The following PDE3B variants were observed in gnomAD, a reference collection of about 807,000 sequenced individuals.
PDE3B encodes the protein phosphodiesterase 3B.
PDE3B carries 66 observed loss-of-function variants against 116.8 expected under a neutral mutation model. The observed-to-expected ratio is 0.56, with a 90% confidence interval of 0.46 to 0.69. The LOEUF (loss-of-function observed/expected upper bound fraction) is 0.69, where lower values mean the gene tolerates loss of function less well. Ranked by LOEUF, PDE3B falls within the 30% of genes least tolerant of loss-of-function variation. The pLI is 0.00. For synonymous variants in PDE3B, 595 were observed against 533.6 expected (o/e 1.12, Z -1.59); for missense variants, 1,384 against 1,368.1 (o/e 1.01, Z -0.18).
At chr11:14,849,067 C>G (rs575300961) in intron 12 of PDE3B, among the ~76,000 whole-genome samples, 21 of 150,096 alleles carry the variant, frequency 1.4e-4, no homozygotes, top group Non-Finnish European at 1.5e-5. Context: ...GGAGGCATCA[C>G]GCTACCTGAC....
chr11:14,694,570 A>G (rs1855147280), intron 1 of PDE3B, among the ~76,000 whole-genome samples: 1 of 152,206 alleles, frequency 6.6e-6, no homozygotes, highest in Admixed American at 6.5e-5. Flanking sequence ...AGATTAAGGT[A>G]TGTACATTGT....
intron 4 of PDE3B, among the ~76,000 whole-genome samples, chr11:14,792,823 G>A (rs1858432016): frequency 1.3e-5 from 2 of 152,228 alleles, no homozygotes; most frequent in Non-Finnish European, 1.5e-5. Context: ...TATATCCTTA[G>A]TTGGGCTCAT....
chr11:14,692,966 A>C (rs1213745034), intron 1 of PDE3B, among the ~76,000 whole-genome samples: 1 of 152,228 alleles, frequency 6.6e-6, no homozygotes, highest in Non-Finnish European at 1.5e-5. Flanking sequence ...CTGTGAATGC[A>C]AAGGAAAAGT....
intron 11 of PDE3B, among the ~76,000 whole-genome samples, chr11:14,839,678 A>G (rs139363092): frequency 6.6e-6 from 1 of 152,322 alleles, no homozygotes; most frequent in East Asian, 1.9e-4. Context: ...AGGCATCACA[A>G]TACACTTCTA....
At chr11:14,854,994 T>C (rs1009589836) in intron 12 of PDE3B, among the ~76,000 whole-genome samples, 36 of 152,098 alleles carry the variant, frequency 2.4e-4, no homozygotes, top group African/African-American at 8.7e-4. Flanking sequence ...AAATATTGCA[T>C]CCATAAAGTA....
chr11:14,885,055 C>T, the PDE3B span, among the ~76,000 whole-genome samples: 1 of 152,088 alleles, frequency 6.6e-6, no homozygotes, highest in East Asian at 1.9e-4. Context: ...CCTTTTCAAC[C>T]AATGTCTTTA....
chr11:14,674,895 T>C (rs950514675), intron 1 of PDE3B, among the ~76,000 whole-genome samples: 5 of 152,206 alleles, frequency 3.3e-5, no homozygotes, highest in Non-Finnish European at 7.4e-5. Context: ...TGAAAATTGT[T>C]ACTTTAGGTA....
At chr11:14,811,870 T>C (rs1018371297) in intron 5 of PDE3B, among the ~76,000 whole-genome samples, 11 of 152,194 alleles carry the variant, frequency 7.2e-5, no homozygotes, top group African/African-American at 2.7e-4. Flanking sequence ...CCTTGTAAGT[T>C]GGATTCCTAG....
chr11:14,776,088 G>A (rs1400791010), intron 2 of PDE3B: 1 of 152,264 alleles, frequency 6.6e-6, no homozygotes, highest in East Asian at 1.9e-4. Context: ...CACAGTGACA[G>A]AGTCTCTTAT....
chr11:14,755,327 G>A (rs941194951), intron 1 of PDE3B, among the ~76,000 whole-genome samples: 2 of 152,080 alleles, frequency 1.3e-5, no homozygotes, highest in African/African-American at 4.8e-5. Context: ...GGGATTTTCC[G>A]TATTTCAAAA....
chr11:14,806,858 CAA>C (rs953411145), intron 5 of PDE3B, among the ~76,000 whole-genome samples: 29 of 45,902 alleles, frequency 6.3e-4, no homozygotes, highest in South Asian at 6.0e-3. Flanking sequence ...GACTCCGTCT[CAA>C]AAAAAAAAAA....
At chr11:14,778,776 C>T (rs937903192) in intron 2 of PDE3B, among the ~76,000 whole-genome samples, 2 of 152,160 alleles carry the variant, frequency 1.3e-5, no homozygotes, top group Non-Finnish European at 1.5e-5. Flanking sequence ...TCCAAAGGAA[C>T]GCAGCTCCTC....
chr11:14,769,445 C>T (rs1218125052), intron 1 of PDE3B, among the ~76,000 whole-genome samples: 1 of 150,950 alleles, frequency 6.6e-6, no homozygotes, highest in Non-Finnish European at 1.5e-5. Context: ...TAGCAGCCTT[C>T]CTTCTGCATA....
chr11:14,843,603 G>A (rs1253361214), intron 11 of PDE3B, among the ~76,000 whole-genome samples: 3 of 152,110 alleles, frequency 2.0e-5, no homozygotes, highest in African/African-American at 7.2e-5. Context: ...ATCCTATCAC[G>A]TCTTGTAAAG....
rs540205528 is a variant in PDE3B, at chr11:14,716,159, G to T, written c.979-55778G>T. On this transcript the variant is annotated intron_variant, in intron 1 of 15. Coordinates refer to ENST00000282096, the MANE Select transcript of PDE3B (RefSeq NM_000922.4). ...TTTCCGAGTCAAAGAAAGGGGTGAC[G>T]GACGCACCTGGAAAATCGGGTCACT... Among the ~76,000 whole-genome samples the T allele has an allele frequency of 5.0e-3, 759 of 151,858 alleles. 10 individuals are homozygous for T. Among genetic ancestry groups the T allele is most frequent in the African/African-American group, 0.018 (739 of 41,386 alleles).
intron 1 of PDE3B, among the ~76,000 whole-genome samples, chr11:14,667,295 G>T (rs1214072277): frequency 6.7e-6 from 1 of 150,156 alleles, no homozygotes; most frequent in Non-Finnish European, 1.5e-5. Flanking sequence ...GGGGTGGGGG[G>T]AGTGGGGAGG....
chr11:14,817,989 C>G (rs549373218), intron 5 of PDE3B, among the ~76,000 whole-genome samples, 194 bp from the exon 6 acceptor site: 6 of 152,126 alleles, frequency 3.9e-5, no homozygotes, highest in African/African-American at 1.4e-4. Flanking sequence ...AGCCATTGAT[C>G]ATGACAAATA....
chr11:14,846,858 C>A (rs888611899), intron 12 of PDE3B, among the ~76,000 whole-genome samples: 2 of 152,170 alleles, frequency 1.3e-5, no homozygotes, highest in African/African-American at 4.8e-5. Flanking sequence ...GAGTAACCTA[C>A]AAAGAGACTT....
chr11:14,848,480 T>C (rs1192991828), intron 12 of PDE3B, among the ~76,000 whole-genome samples: 1 of 151,852 alleles, frequency 6.6e-6, no homozygotes. Flanking sequence ...TGTTGGAAGT[T>C]CGGGCCAGGG....
Sources: allele counts gnomAD v4.1 joint callset (sites outside exome capture counted in the v4.1 genomes callset), GRCh38; gene constraint gnomAD v4.1.1; transcripts MANE v1.5; gene names NCBI Gene and HGNC (gene_info 2026-07-23, HGNC 2026-07-21).